The following CAPN1 variants were observed in gnomAD, a reference collection of about 807,000 sequenced individuals.
CAPN1 encodes the protein calpain 1, also known as calpain-1 catalytic subunit.
CAPN1 carries 77 observed loss-of-function variants against 105.2 expected under a neutral mutation model. The observed-to-expected ratio is 0.73, with a 90% CI of 0.61 to 0.88. The LOEUF is 0.88. Among genes scored for constraint, CAPN1 ranks in the 40% least tolerant of loss-of-function variants. The pLI, the probability that CAPN1 is intolerant of heterozygous loss-of-function variation, is 0.00. For synonymous variants in CAPN1, 355 were observed against 388.8 expected (o/e 0.91, Z 1.02); for missense variants, 833 against 976.6 (o/e 0.85, Z 1.96).
At chr11:65,183,613 G>A in intron 4 of CAPN1, 21 bp downstream of exon 4, 3 of 1,541,528 alleles carry the variant, frequency 1.9e-6, no homozygotes, top group Non-Finnish European at 2.7e-6. Context: ...CCCTGGGGAG[G>A]AGGGGCAGCA....
intron 4 of CAPN1, among the ~76,000 whole-genome samples, chr11:65,185,442 C>G (rs911665229): frequency 4.6e-5 from 7 of 151,904 alleles, no homozygotes; most frequent in Non-Finnish European, 8.8e-5. Flanking sequence ...GTGTCAGGCT[C>G]TCAGTCTGAC....
At position 65,188,689 on chromosome 11, in the gene CAPN1, C is replaced by G. The variant is rs1314346757; in HGVS notation, c.1108C>G (p.Leu370Val). 6.2e-7 allele frequency: 1 copy of G among 1,612,624 alleles called. No homozygotes were observed. Among genetic ancestry groups the G allele is most frequent in the Admixed American group, 1.7e-5 (1 of 59,846 alleles). ...GACCATCCGCAAATGGAACACCACA[C>G]TCTACGAAGGCACCTGGCGGCGGGG... is the stretch of plus-strand genomic sequence containing the variant. Reference protein sequence around the residue: ...SRTIRKWNTTLYEGTWRRGST... With the variant: ...SRTIRKWNTTVYEGTWRRGST... Residue 370 changes from leucine to valine, a missense_variant, in exon 10 of 22, where the codon CTC becomes GTC. Transcript: ENST00000279247. This position sits in a 1 kb window ranked among gnomAD's most constrained non-coding sequence, Gnocchi z 5.5.
intron 4 of CAPN1, 130 bp downstream of exon 4, chr11:65,183,722 G>T (rs1948588811): frequency 1.5e-6 from 1 of 653,032 alleles, no homozygotes; most frequent in East Asian, 2.7e-5. Context: ...TGACCTCTCA[G>T]TGCCATCTCG....
At chr11:65,195,325 G>T (rs1481730339) in intron 10 of CAPN1, among the ~76,000 whole-genome samples, 3 of 151,990 alleles carry the variant, frequency 2.0e-5, no homozygotes, top group Non-Finnish European at 4.4e-5. Flanking sequence ...CTTCAGACCA[G>T]CCGTGTTGGT....
At chr11:65,185,605 G>A (rs1035486710) in intron 4 of CAPN1, among the ~76,000 whole-genome samples, 2 of 150,128 alleles carry the variant, frequency 1.3e-5, no homozygotes, top group Admixed American at 1.3e-4. Flanking sequence ...TATATTTCAG[G>A]GTGAAATACT....
chr11:65,191,385 G>A (rs1948716776), intron 10 of CAPN1, among the ~76,000 whole-genome samples: 1 of 152,088 alleles, frequency 6.6e-6, no homozygotes, highest in Admixed American at 6.6e-5. Context: ...TTTATATCCA[G>A]CAAATTTTTT....
At chr11:65,193,962 A>ATTTTTTTTTTTTTTTTTTTTTTTT (rs60784154) in intron 10 of CAPN1, among the ~76,000 whole-genome samples, 1 of 76,206 alleles carries the variant, frequency 1.3e-5, no homozygotes, top group African/African-American at 5.2e-5. Context: ...CTTTGGATTG[A>ATTTTTTTTTTTTTTTTTTTTTTTT]TTTTTTTTTT....
At chr11:65,197,176 C>T (rs1418784314) in intron 10 of CAPN1, among the ~76,000 whole-genome samples, 1 of 151,438 alleles carries the variant, frequency 6.6e-6, no homozygotes, top group Non-Finnish European at 1.5e-5. Flanking sequence ...TATAATTGTC[C>T]ATTATATCAA....
chr11:65,187,566 A>T, intron 7 of CAPN1: 1 of 544,896 alleles, frequency 1.8e-6, no homozygotes, highest in Non-Finnish European at 3.3e-6. Flanking sequence ...CTTGGAGAGG[A>T]TGAGGGTATG....
At chr11:65,183,641 G>A (rs754817657) in intron 4 of CAPN1, 49 bp downstream of exon 4, 5 of 1,314,572 alleles carry the variant, frequency 3.8e-6, no homozygotes, top group South Asian at 3.6e-5. Flanking sequence ...GGGGAGATGC[G>A]GAAGGATGAC....
Position 65,211,497 on chromosome 11 carries a change from T to TGGACTCCCTGGGCC in CAPN1, c.*211_*212insGGACTCCCTGGGCC. On this transcript the variant is annotated 3_prime_UTR_variant, in exon 22 of 22. Coordinates refer to ENST00000279247, the MANE Select transcript of CAPN1 (RefSeq NM_005186.4). ...GCCCCTGCCTGTGCCAGCCATGGGC[T>TGGACTCCCTGGGCC]CGGGATGGACTCCCTGGGCCCCACC... is the stretch of plus-strand genomic sequence containing the variant. 1.7e-6 allele frequency: 1 copy of TGGACTCCCTGGGCC among 592,524 alleles called. No individual in the cohort carries two copies. The highest frequency in any genetic ancestry group is 2.7e-5 in the Admixed American group (1 of 37,524). 36.7% of individuals were successfully genotyped at this position (592,524 alleles called of 1,614,324 possible).
rs972791328 is a variant in CAPN1, at chr11:65,208,702, C to A, written c.1729+440C>A. On this transcript the variant is annotated intron_variant, in intron 16 of 21. Coordinates refer to ENST00000279247, the MANE Select transcript of CAPN1 (RefSeq NM_005186.4). The surrounding 1 kb of genome is among the most constrained non-coding windows in gnomAD (Gnocchi z 4.1). ...GCTGAGTTGGGAGGATGGCTTGAGA[C>A]CAGGGAGGTTAAGGCTGCAGTGAGC... 1.0e-5 allele frequency: 3 copies of A among 286,966 alleles called. No homozygotes were observed. The highest frequency in any genetic ancestry group is 9.4e-5 in the Admixed American group (2 of 21,168). 17.8% of individuals were successfully genotyped at this position (286,966 alleles called of 1,614,324 possible).
intron 10 of CAPN1, 22 bp from the exon 11 acceptor site, chr11:65,204,661 C>T (rs990791530): frequency 1.2e-6 from 2 of 1,600,464 alleles, no homozygotes; most frequent in African/African-American, 2.7e-5. Context: ...CCTCTGATCC[C>T]CGCCTCCTCA....
Position 65,211,304 on chromosome 11 carries a change from C to T in CAPN1, c.*18C>T, listed in dbSNP as rs1291794923. On this transcript the variant is annotated 3_prime_UTR_variant, in exon 22 of 22. Coordinates refer to ENST00000279247, the MANE Select transcript of CAPN1 (RefSeq NM_005186.4). ...TTGCATGAGGCAGGGACTCGGTCCC[C>T]CTTGCCGTGCTCCCCTCCCTCCTCG... The T allele has an allele frequency of 3.1e-6, 5 of 1,611,418 alleles. No individual in the cohort carries two copies. The highest frequency in any genetic ancestry group is 1.6e-4 in the Middle Eastern group (1 of 6,062).
At position 65,209,509 on chromosome 11, in the gene CAPN1, TGC is replaced by T. The variant is rs1949012672; in HGVS notation, c.1794+123_1794+124del. The T allele has an allele frequency of 1.2e-6, 1 of 837,886 alleles. No individual in the cohort carries two copies. Among genetic ancestry groups the T allele is most frequent in the Non-Finnish European group, 2.0e-6 (1 of 502,246 alleles). 51.9% of individuals were successfully genotyped at this position (837,886 alleles called of 1,614,324 possible). Reference sequence around the variant, plus strand: ...AGCCATGCGGAGTGTGGACACACAGTGCCCCATGCTCAGATGTCTCCCTGGAC... The same window carrying T: ...AGCCATGCGGAGTGTGGACACACAGTCCCATGCTCAGATGTCTCCCTGGAC... On this transcript the variant is annotated intron_variant, in intron 17 of 21. Transcript: ENST00000279247. The surrounding 1 kb of genome is among the most constrained non-coding windows in gnomAD (Gnocchi z 4.1).
At chr11:65,207,942 C>G in intron 14 of CAPN1, 113 bp from the exon 15 acceptor site, 3 of 693,394 alleles carry the variant, frequency 4.3e-6, no homozygotes, top group Middle Eastern at 4.0e-4. Flanking sequence ...AAGTGAGGCT[C>G]AGAGAAGCGA....
chr11:65,188,570 G>A lies in CAPN1; in HGVS notation c.1005-16G>A. On this transcript the variant is annotated splice_polypyrimidine_tract_variant and intron_variant, in intron 9 of 21. Transcript: ENST00000279247. The surrounding 1 kb of genome is among the most constrained non-coding windows in gnomAD (Gnocchi z 5.5). The stretch of plus-strand genomic sequence containing the variant: ...CCCTGACGGGCTGTGCCTCACCTGT[G>A]TACCTCCCACCTCAGGATGTCATTC... 1 of 1,613,904 alleles carries A rather than the reference G, an allele frequency of 6.2e-7. No homozygotes were observed. The highest frequency in any genetic ancestry group is 8.5e-7 in the Non-Finnish European group (1 of 1,179,852).
chr11:65,182,408 G>A lies in CAPN1; in HGVS notation c.-1-293G>A, dbSNP rs891634156. ...GTTCCTTGTGCTGTCTGGAGGCTCCGCCCTGCCCCACCTGACCTGCTGGCT... is the reference window on the plus strand; with the variant it reads ...GTTCCTTGTGCTGTCTGGAGGCTCCACCCTGCCCCACCTGACCTGCTGGCT... On this transcript the variant is annotated intron_variant, in intron 1 of 21. Transcript: ENST00000279247. 6 of 380,558 alleles carry A rather than the reference G, an allele frequency of 1.6e-5. No individual in the cohort carries two copies. The Admixed American group carries it at 2.5e-4, about 16-fold the overall frequency. The allele number at this position is 380,558 out of a possible 1,614,324, so 23.6% of individuals were successfully genotyped here.
intron 10 of CAPN1, among the ~76,000 whole-genome samples, chr11:65,192,640 CT>C (rs11309067): frequency 0.72 from 106,673 of 148,424 alleles, 39,336 homozygotes; most frequent in Middle Eastern, 0.85. Flanking sequence ...CTTTTTCTTT[CT>C]TTTTTTTTTT....
Sources: allele counts gnomAD v4.1 joint callset (sites outside exome capture counted in the v4.1 genomes callset), GRCh38; gene constraint gnomAD v4.1.1; non-coding constraint Gnocchi (gnomAD v3.1); transcripts MANE v1.5; gene names NCBI Gene and HGNC (gene_info 2026-07-23, HGNC 2026-07-21).